EYA4: variants seen among roughly 807,000 people sequenced by gnomAD.
EYA4 encodes the protein EYA transcriptional coactivator and phosphatase 4.
EYA4 carries 31 observed loss-of-function variants against 87.9 expected under a neutral mutation model. That is an observed-to-expected ratio of 0.35 (90% CI 0.27 to 0.48). The LOEUF (loss-of-function observed/expected upper bound fraction) is 0.48, where lower values mean the gene tolerates loss of function less well. EYA4 is among the 20% of genes least tolerant of loss of function. The pLI, the probability that EYA4 is intolerant of heterozygous loss-of-function variation, is 0.99. For synonymous variants in EYA4, 263 were observed against 270.6 expected (o/e 0.97, Z 0.28); for missense variants, 678 against 761.4 (o/e 0.89, Z 1.29).
At chr6:133,397,917 G>T (rs1268160191) in intron 3 of EYA4, among the ~76,000 whole-genome samples, 1 of 152,090 alleles carries the variant, frequency 6.6e-6, no homozygotes, top group African/African-American at 2.4e-5. Flanking sequence ...CCTCCCACTG[G>T]GTCTTTCCCA....
chr6:133,242,406 A>G (rs1774026239), intron 1 of EYA4, among the ~76,000 whole-genome samples: 1 of 152,148 alleles, frequency 6.6e-6, no homozygotes, highest in African/African-American at 2.4e-5. Flanking sequence ...GTGAAATTAG[A>G]GGCGCCTTGT....
intron 2 of EYA4, among the ~76,000 whole-genome samples, chr6:133,341,156 G>T (rs542585230): frequency 6.6e-6 from 1 of 152,302 alleles, no homozygotes; most frequent in African/African-American, 2.4e-5. Flanking sequence ...GGAAGATTCT[G>T]CAAATTGAGG....
At chr6:133,389,190 G>C (rs1181750410) in intron 3 of EYA4, among the ~76,000 whole-genome samples, 1 of 152,176 alleles carries the variant, frequency 6.6e-6, no homozygotes, top group East Asian at 1.9e-4. Flanking sequence ...CTTAGAGCTT[G>C]ATTTCATAGG....
intron 11 of EYA4, among the ~76,000 whole-genome samples, chr6:133,480,647 CAT>C (rs1796126738): frequency 6.6e-6 from 1 of 152,088 alleles, no homozygotes; most frequent in East Asian, 1.9e-4. Flanking sequence ...TCAATTAACA[CAT>C]TGATTACATA....
intron 3 of EYA4, among the ~76,000 whole-genome samples, chr6:133,432,385 C>G (rs1791262798): frequency 6.6e-6 from 1 of 152,162 alleles, no homozygotes; most frequent in Admixed American, 6.5e-5. Flanking sequence ...GGGCTGAGCT[C>G]CTGCTGATTT....
intron 3 of EYA4, among the ~76,000 whole-genome samples, chr6:133,431,921 G>A (rs1791214675): frequency 6.7e-6 from 1 of 150,274 alleles, no homozygotes; most frequent in Non-Finnish European, 1.5e-5. Flanking sequence ...GATAACACAT[G>A]AGCCCAATAA....
chr6:133,502,361 A>G (rs1798205510), intron 13 of EYA4: 1 of 152,336 alleles, frequency 6.6e-6, no homozygotes, highest in African/African-American at 2.4e-5. Context: ...CAAATTAAAA[A>G]AAAGCAACTC....
intron 1 of EYA4, among the ~76,000 whole-genome samples, chr6:133,254,124 C>T (rs1233784257): frequency 6.6e-6 from 1 of 152,162 alleles, no homozygotes; most frequent in African/African-American, 2.4e-5. Context: ...AGTGGAAAAA[C>T]AGGTATGTCC....
chr6:133,314,685 A>G (rs1780491111), intron 2 of EYA4, among the ~76,000 whole-genome samples: 1 of 152,228 alleles, frequency 6.6e-6, no homozygotes, highest in Admixed American at 6.5e-5. Flanking sequence ...TTTGGTTAAC[A>G]TAGAAATGTT....
intron 19 of EYA4, among the ~76,000 whole-genome samples, chr6:133,525,512 T>C (rs1381743445): frequency 6.6e-6 from 1 of 152,188 alleles, no homozygotes; most frequent in African/African-American, 2.4e-5. Flanking sequence ...ATATAGTAAA[T>C]ATATATAGTA....
chr6:133,395,523 G>A (rs1016937905), intron 3 of EYA4, among the ~76,000 whole-genome samples: 2 of 152,168 alleles, frequency 1.3e-5, no homozygotes, highest in African/African-American at 4.8e-5. Context: ...ACTTTGGGAG[G>A]CCAAGGCAGG....
chr6:133,510,427 A>G (rs1435293293), intron 14 of EYA4: 3 of 331,648 alleles, frequency 9.0e-6, no homozygotes, highest in Non-Finnish European at 1.8e-5. Flanking sequence ...TCTCTAAATA[A>G]GAAATAATCT....
chr6:133,462,657 G>C lies in EYA4; in HGVS notation c.617G>C (p.Ser206Thr). ...GVMLPAIKTE[S>T]GLSQTQSPLQ... ...ATGTTGCCAGCCATCAAGACAGAGA[G>C]TGGACTTTCCCAAACTCAGTCCCCA... Residue 206 changes from serine (S) to threonine (T), a missense_variant, in exon 9 of 20, where the codon AGT becomes ACT. Transcript: ENST00000355286. 6.2e-7 allele frequency: 1 copy of C among 1,614,026 alleles called. No individual in the cohort carries two copies. Among genetic ancestry groups the C allele is most frequent in the Non-Finnish European group, 8.5e-7 (1 of 1,179,942 alleles).
rs1562257677 is a variant in EYA4 at position 133,294,057 on chromosome 6, AT to A, written c.33+19245del. ...TATATATATATATATATATATATAT[AT>A]ATATAATTCTATTCTATATATAACA... On this transcript the variant is annotated intron_variant, in intron 2 of 19. Transcript: ENST00000355286. 4.6e-4 allele frequency among the ~76,000 whole-genome samples: 49 copies of A among 106,900 alleles called. 6 individuals carry two copies. Among genetic ancestry groups the A allele is most frequent in the Non-Finnish European group, 7.2e-4 (37 of 51,474 alleles). The allele number at this position is 106,900 out of a possible 152,430, so 70.1% of individuals were successfully genotyped here. A position where few individuals can be genotyped will look rare whatever the true frequency, so the allele number is the denominator to read the frequency against.
Position 133,456,641 on chromosome 6 carries a change from T to C in EYA4, c.363T>C (p.Thr121=), listed in dbSNP as rs1002212974. Residue 121 remains threonine (T), a synonymous_variant, in exon 6 of 20, where the codon ACT becomes ACC. Coordinates refer to ENST00000355286, the MANE Select transcript of EYA4 (RefSeq NM_004100.5). ...GAGATGGAGCGCTTGACACTTTTAC[T>C]GGGTCAGGTAAAGCCTTTAGCTCGT... ...TTGDGALDTF[T]GSVITSSGYS... 2 of 1,608,508 alleles carry C rather than the reference T, an allele frequency of 1.2e-6. No individual in the cohort carries two copies. Among genetic ancestry groups the C allele is most frequent in the Non-Finnish European group, 1.7e-6 (2 of 1,175,068 alleles).
At chr6:133,429,815 C>G (rs1791022005) in intron 3 of EYA4, among the ~76,000 whole-genome samples, 1 of 152,138 alleles carries the variant, frequency 6.6e-6, no homozygotes, top group Non-Finnish European at 1.5e-5. Flanking sequence ...TGTTTTTATC[C>G]TATGGAGTTG....
intron 2 of EYA4, 108 bp downstream of exon 2, chr6:133,274,921 T>G: frequency 1.2e-6 from 1 of 866,122 alleles, no homozygotes; most frequent in Non-Finnish European, 1.9e-6. Context: ...AAATATATTT[T>G]TAAATGATTT....
chr6:133,464,627 A>G, intron 9 of EYA4, 152 bp from the exon 10 acceptor site: 1 of 649,154 alleles, frequency 1.5e-6, no homozygotes, highest in East Asian at 2.8e-5. Context: ...GGAGAGAGCT[A>G]AGCCTATTTT....
chr6:133,331,680 G>T (rs1781975375), intron 2 of EYA4, among the ~76,000 whole-genome samples: 1 of 152,190 alleles, frequency 6.6e-6, no homozygotes, highest in Non-Finnish European at 1.5e-5. Context: ...CAAGAAGATG[G>T]CTTGATTTTT....
Sources: gnomAD v4.1 joint callset for allele counts (sites outside exome capture counted in the v4.1 genomes callset) on GRCh38, gnomAD v4.1.1 for gene constraint, MANE v1.5 for transcripts, NCBI Gene and HGNC (gene_info 2026-07-23, HGNC 2026-07-21) for gene names.